The following SAMSN1 variants were observed in gnomAD, a reference collection of about 807,000 sequenced individuals.
SAMSN1 encodes the protein SAM domain, SH3 domain and nuclear localization signals 1.
Under a neutral mutation model 42.0 loss-of-function variants are expected in SAMSN1, and 31 were observed. The ratio of observed to expected loss-of-function variants is 0.74; its 90% CI spans 0.55 to 1.00. SAMSN1 has a LOEUF of 1.00. Among genes scored for constraint, SAMSN1 ranks in the 50% least tolerant of loss-of-function variants. SAMSN1 has a pLI of 0.00. For missense variants in SAMSN1, 464 were observed against 439.4 expected, an observed-to-expected ratio of 1.06 and a Z score of -0.50; for synonymous variants, 178 against 151.9, an observed-to-expected ratio of 1.17 and a Z score of -1.26.
intron 6 of SAMSN1, among the ~76,000 whole-genome samples, chr21:14,601,569 T>C (rs891452345): frequency 6.6e-6 from 1 of 152,218 alleles, no homozygotes; most frequent in African/African-American, 2.4e-5. Context: ...GAATAGCAAG[T>C]ATTTGGCCAT....
intron 7 of SAMSN1, among the ~76,000 whole-genome samples, chr21:14,491,555 C>T (rs1292899631): frequency 2.0e-5 from 3 of 152,160 alleles, no homozygotes; most frequent in African/African-American, 7.2e-5. Context: ...TTAAACAAAC[C>T]CTTATCTATC....
chr21:14,536,975 G>C (rs1473320665), intron 1 of SAMSN1, among the ~76,000 whole-genome samples: 1 of 152,156 alleles, frequency 6.6e-6, no homozygotes, highest in African/African-American at 2.4e-5. Flanking sequence ...GTTATCCCTT[G>C]CCTGGTTTCT....
Position 14,500,624 on chromosome 21 carries a change from C to T in SAMSN1, c.673G>A (p.Glu225Lys), listed in dbSNP as rs755357533. The T allele has an allele frequency of 1.2e-6, 2 of 1,614,030 alleles. No homozygotes were observed. The highest frequency in any genetic ancestry group is 1.7e-6 in the Non-Finnish European group (2 of 1,180,008). The change falls in exon 6 of 8, where the codon GAG (glutamate) becomes AAG (lysine). Residue 225 changes from glutamate to lysine, a missense_variant. Coordinates refer to ENST00000400566, the MANE Select transcript of SAMSN1 (RefSeq NM_022136.5). ...KFIYVDVISEEEAAPKKIKAN... is the reference protein window; with the variant it reads ...KFIYVDVISEKEAAPKKIKAN... ...TTTATTTTCTTGGGGGCTGCTTCCT[C>T]TTCTGAGATGACATCCACATAAATG...
Position 14,485,768 on chromosome 21 carries a change from T to C in SAMSN1, c.*144A>G, listed in dbSNP as rs1372153992. The C allele has an allele frequency of 3.3e-6, 2 of 597,224 alleles. No individual in the cohort carries two copies. Among genetic ancestry groups the C allele is most frequent in the Non-Finnish European group, 5.8e-6 (2 of 346,784 alleles). The allele number at this position is 597,224 out of a possible 1,614,324, so 37.0% of individuals were successfully genotyped here. The stretch of plus-strand genomic sequence containing the variant: ...TTGGAATGTTAGAGATACAAAATTT[T>C]ATGTACAATTATTCAGATTAAAACA... On this transcript the variant is annotated 3_prime_UTR_variant, in exon 8 of 8. Transcript: ENST00000400566.
chr21:14,499,964 A>G (rs1264823724), intron 6 of SAMSN1, among the ~76,000 whole-genome samples: 3 of 152,236 alleles, frequency 2.0e-5, no homozygotes, highest in African/African-American at 7.2e-5. Flanking sequence ...AACAAGGTAG[A>G]TATTTCAAAA....
chr21:14,523,210 C>T (rs568826528), intron 1 of SAMSN1: 2 of 152,288 alleles, frequency 1.3e-5, no homozygotes, highest in East Asian at 3.9e-4. Context: ...TGTCTCCCTA[C>T]CAGCTATCTT....
At chr21:14,658,714 T>C (rs1344384141) in intron 1 of SAMSN1, 2 of 714,710 alleles carry the variant, frequency 2.8e-6, no homozygotes, top group Admixed American at 4.0e-5. Context: ...AAAATTAAAA[T>C]GAGAACATAA....
chr21:14,506,415 C>T (rs1425395979), intron 5 of SAMSN1, among the ~76,000 whole-genome samples: 1 of 152,068 alleles, frequency 6.6e-6, no homozygotes, highest in Non-Finnish European at 1.5e-5. Flanking sequence ...ACTACGAACA[C>T]CTTTGCATGC....
chr21:14,618,597 T>C (rs1290892616), intron 2 of SAMSN1, among the ~76,000 whole-genome samples: 1 of 152,062 alleles, frequency 6.6e-6, no homozygotes, highest in African/African-American at 2.4e-5. Flanking sequence ...ACTTTATTCC[T>C]AGAGGGGCAA....
At chr21:14,559,654 C>T (rs565986612) in intron 2 of SAMSN1, among the ~76,000 whole-genome samples, 43 of 152,124 alleles carry the variant, frequency 2.8e-4, no homozygotes, top group African/African-American at 9.9e-4. Flanking sequence ...TGTTGGCCAC[C>T]ATGCCTGTCT....
intron 5 of SAMSN1, among the ~76,000 whole-genome samples, chr21:14,502,937 A>G (rs1472236292): frequency 6.6e-6 from 1 of 152,234 alleles, no homozygotes; most frequent in East Asian, 1.9e-4. Flanking sequence ...TTAACAATAT[A>G]GAAAATTCAT....
At chr21:14,628,894 G>C (rs1338657390) in intron 2 of SAMSN1, among the ~76,000 whole-genome samples, 2 of 152,148 alleles carry the variant, frequency 1.3e-5, no homozygotes, top group Admixed American at 6.5e-5. Context: ...CTGTAGGGTT[G>C]ATACTATTAC....
chr21:14,544,723 T>A (rs1261039494), intron 1 of SAMSN1, among the ~76,000 whole-genome samples: 1 of 152,198 alleles, frequency 6.6e-6, no homozygotes, highest in Non-Finnish European at 1.5e-5. Context: ...TTATAATAGT[T>A]ACTGCTCTTA....
chr21:14,577,264 ATATATATATATATATATATATT>A (rs1981521948), intron 2 of SAMSN1, among the ~76,000 whole-genome samples: 2 of 43,352 alleles, frequency 4.6e-5, no homozygotes, highest in Admixed American at 1.8e-4. Context: ...ATATATATAT[ATATATATATATATATATATATT>A]TTTTTTTTAG....
intron 2 of SAMSN1, among the ~76,000 whole-genome samples, chr21:14,577,268 ATATATATATATATATATT>A (rs1402272435): frequency 4.4e-5 from 2 of 45,862 alleles, no homozygotes; most frequent in South Asian, 7.1e-4. Flanking sequence ...ATATATATAT[ATATATATATATATATATT>A]TTTTTTTTAG....
At chr21:14,512,021 G>A (rs1987706660) in intron 4 of SAMSN1, among the ~76,000 whole-genome samples, 1 of 151,894 alleles carries the variant, frequency 6.6e-6, no homozygotes, top group Admixed American at 6.6e-5. Flanking sequence ...AGAATGAGGG[G>A]GACGCAGGGA....
At chr21:14,547,462 T>C (rs751737161), upstream of SAMSN1, among the ~76,000 whole-genome samples, 8 of 152,172 alleles carry the variant, frequency 5.3e-5, no homozygotes, top group Non-Finnish European at 1.2e-4. Context: ...AAGCAAAAAG[T>C]TCAAGCTTTA....
chr21:14,520,274 T>C (rs368633077), intron 2 of SAMSN1, among the ~76,000 whole-genome samples: 15 of 152,320 alleles, frequency 9.8e-5, no homozygotes, highest in African/African-American at 2.9e-4. Context: ...GAGAGTCCAA[T>C]TGAGCAGCTG....
At chr21:14,636,726 GT>G (rs1440208361) in intron 2 of SAMSN1, among the ~76,000 whole-genome samples, 1 of 151,976 alleles carries the variant, frequency 6.6e-6, no homozygotes. Flanking sequence ...GCACGCACCT[GT>G]AGTCCCAGCT....
Sources: allele counts gnomAD v4.1 joint callset (sites outside exome capture counted in the v4.1 genomes callset), GRCh38; gene constraint gnomAD v4.1.1; transcripts MANE v1.5; gene names NCBI Gene and HGNC (gene_info 2026-07-23, HGNC 2026-07-21).